RAD51B: variants seen among roughly 807,000 people sequenced by gnomAD.
The protein encoded by RAD51B is DNA repair protein RAD51 homolog 2.
RAD51B carries 38 observed loss-of-function variants against 42.2 expected under a neutral mutation model. The observed-to-expected ratio is 0.90, with a 90% CI of 0.70 to 1.18. The LOEUF (loss-of-function observed/expected upper bound fraction) is 1.18. Ranked by LOEUF, RAD51B falls within the 50% of genes most tolerant of loss-of-function variation. RAD51B has a pLI of 0.00. For synonymous variants in RAD51B, 154 were observed against 145.2 expected (o/e 1.06, Z -0.43); for missense variants, 373 against 400.7 (o/e 0.93, Z 0.59).
At chr14:68,262,824 CTT>C (rs906473132) in intron 7 of RAD51B, among the ~76,000 whole-genome samples, 1 of 152,154 alleles carries the variant, frequency 6.6e-6, no homozygotes. Context: ...TAAATTCCCT[CTT>C]GTTTATTGCC....
chr14:68,598,645 T>A, downstream of RAD51B, among the ~76,000 whole-genome samples: 1 of 151,996 alleles, frequency 6.6e-6, no homozygotes, highest in Non-Finnish European at 1.5e-5. Flanking sequence ...CAGATGAAAT[T>A]CCAAACAAGC....
At chr14:67,849,036 G>A (rs755158190) in intron 4 of RAD51B, among the ~76,000 whole-genome samples, 5 of 152,030 alleles carry the variant, frequency 3.3e-5, no homozygotes, top group African/African-American at 9.7e-5. Flanking sequence ...CATTGACCTC[G>A]TTGAATGTCT....
At chr14:68,047,456 A>T (rs1309688998) in intron 7 of RAD51B, among the ~76,000 whole-genome samples, 2 of 152,200 alleles carry the variant, frequency 1.3e-5, no homozygotes, top group East Asian at 3.8e-4. Flanking sequence ...ATTCGAAAAG[A>T]ACGAGGAAAA....
At chr14:68,599,883 A>G (rs769867406), downstream of RAD51B, among the ~76,000 whole-genome samples, 9 of 152,172 alleles carry the variant, frequency 5.9e-5, no homozygotes, top group Non-Finnish European at 1.2e-4. Flanking sequence ...CTCCCGAAAG[A>G]TTAGGCTTCA....
At chr14:68,564,056 G>C in intron 10 of RAD51B, 1 of 502,442 alleles carries the variant, frequency 2.0e-6, no homozygotes, top group Non-Finnish European at 2.6e-6. Context: ...TGCATGGGCT[G>C]GGGGAGGCTG....
At chr14:68,101,025 C>T (rs2077279299) in intron 7 of RAD51B, among the ~76,000 whole-genome samples, 1 of 152,182 alleles carries the variant, frequency 6.6e-6, no homozygotes, top group African/African-American at 2.4e-5. Flanking sequence ...TGTCCTTCTT[C>T]ACATGGTGGC....
chr14:68,393,897 T>G (rs910755018), intron 8 of RAD51B, among the ~76,000 whole-genome samples: 1 of 152,210 alleles, frequency 6.6e-6, no homozygotes, highest in Non-Finnish European at 1.5e-5. Flanking sequence ...CCTGCCCCAC[T>G]GTTTGAAAGA....
At position 68,565,024 on chromosome 14, in the gene RAD51B, G is replaced by A. The variant is rs1021334136; in HGVS notation, c.1037-29461G>A. Among the ~76,000 whole-genome samples the A allele has an allele frequency of 1.3e-5, 2 of 152,168 alleles. No homozygotes were observed. Among genetic ancestry groups the A allele is most frequent in the Non-Finnish European group, 2.9e-5 (2 of 68,038 alleles). ...CGGCCATAGGTGAAAGACAATTTCCGATTATTGTTTTCAAACATTCTACAT... is the reference window on the plus strand; with the variant it reads ...CGGCCATAGGTGAAAGACAATTTCCAATTATTGTTTTCAAACATTCTACAT... On this transcript the variant is annotated intron_variant, in intron 10 of 10. Transcript: ENST00000487270. This position sits in a 1 kb window ranked among gnomAD's most constrained non-coding sequence, Gnocchi z 4.1.
chr14:68,181,355 C>G (rs1362882776), intron 7 of RAD51B, among the ~76,000 whole-genome samples: 1 of 152,190 alleles, frequency 6.6e-6, no homozygotes, highest in African/African-American at 2.4e-5. Context: ...GCCTGTTTCA[C>G]CTCGAGTCCA....
At chr14:67,881,689 C>G (rs1161145456) in intron 5 of RAD51B, among the ~76,000 whole-genome samples, 1 of 150,648 alleles carries the variant, frequency 6.6e-6, no homozygotes, top group African/African-American at 2.4e-5. Flanking sequence ...TCCTTTCTCT[C>G]AAGGATTACA....
At chr14:68,138,238 T>C (rs1373659344) in intron 7 of RAD51B, among the ~76,000 whole-genome samples, 2 of 152,192 alleles carry the variant, frequency 1.3e-5, no homozygotes, top group Non-Finnish European at 2.9e-5. Flanking sequence ...TGGTGAAAGA[T>C]GAAGTCTGCA....
intron 7 of RAD51B, among the ~76,000 whole-genome samples, chr14:68,118,862 G>A (rs1324408848): frequency 2.0e-5 from 3 of 152,066 alleles, no homozygotes; most frequent in Non-Finnish European, 4.4e-5. Flanking sequence ...AATTCTTTGA[G>A]GCCAGTGTTT....
chr14:68,367,480 T>G (rs938341206), intron 8 of RAD51B, among the ~76,000 whole-genome samples: 1 of 152,140 alleles, frequency 6.6e-6, no homozygotes, highest in Admixed American at 6.5e-5. Flanking sequence ...ATATCAGACT[T>G]GAGGATATAA....
chr14:68,638,736 G>A (rs111258700), intron 10 of RAD51B, among the ~76,000 whole-genome samples: 2 of 152,108 alleles, frequency 1.3e-5, no homozygotes, highest in Non-Finnish European at 2.9e-5. Context: ...GCAGTGCAGC[G>A]CAACTGATCA....
At chr14:68,108,398 A>G (rs1183020027) in intron 7 of RAD51B, among the ~76,000 whole-genome samples, 3 of 152,036 alleles carry the variant, frequency 2.0e-5, no homozygotes, top group African/African-American at 7.2e-5. Context: ...TGGATAAACA[A>G]AATGTGGTAT....
At chr14:68,454,534 A>G (rs763481772) in intron 9 of RAD51B, among the ~76,000 whole-genome samples, 6 of 152,170 alleles carry the variant, frequency 3.9e-5, no homozygotes. Flanking sequence ...CACACCAACA[A>G]TCTTTATTTG....
intron 10 of RAD51B, among the ~76,000 whole-genome samples, chr14:68,537,273 C>T (rs1449248046): frequency 4.6e-5 from 7 of 151,874 alleles, no homozygotes; most frequent in African/African-American, 9.7e-5. Context: ...CCGAGGCGGG[C>T]GGATCACGAG....
intron 7 of RAD51B, among the ~76,000 whole-genome samples, chr14:67,895,585 A>G (rs1595074818): frequency 1.3e-5 from 2 of 152,172 alleles, no homozygotes; most frequent in East Asian, 1.9e-4. Context: ...AAGCCACTAG[A>G]CTATAAGCAG....
chr14:68,096,850 T>G (rs77058773), intron 7 of RAD51B, among the ~76,000 whole-genome samples: 2 of 152,236 alleles, frequency 1.3e-5, no homozygotes, highest in Non-Finnish European at 2.9e-5. Context: ...TATTTTCTTA[T>G]CTATGTTCCT....
Sources: gnomAD v4.1 joint callset for allele counts (sites outside exome capture counted in the v4.1 genomes callset) on GRCh38, gnomAD v4.1.1 for gene constraint, Gnocchi (gnomAD v3.1) non-coding constraint, MANE v1.5 for transcripts, NCBI Gene and HGNC (gene_info 2026-07-23, HGNC 2026-07-21) for gene names.